The following TRIM33 variants were observed in gnomAD, a reference collection of about 807,000 sequenced individuals.
TRIM33 encodes E3 ubiquitin-protein ligase TRIM33.
Under a neutral mutation model 125.4 loss-of-function variants are expected in TRIM33, and 20 were observed. The observed-to-expected ratio is 0.16, with a 90% CI of 0.11 to 0.23. TRIM33 has a LOEUF of 0.23. Ranked by LOEUF, TRIM33 falls within the 10% of genes least tolerant of loss-of-function variation. The pLI is 1.00. For missense variants in TRIM33, 920 were observed against 1,411.4 expected (o/e 0.65, Z 5.58); for synonymous variants, 564 against 513.9 (o/e 1.10, Z -1.32).
At chr1:114,412,923 G>A (rs1178699322) in intron 11 of TRIM33, among the ~76,000 whole-genome samples, 1 of 152,150 alleles carries the variant, frequency 6.6e-6, no homozygotes, top group African/African-American at 2.4e-5. Context: ...TAAAGAAACC[G>A]CTGAACTTTT....
At chr1:114,410,390 A>C in intron 11 of TRIM33, 74 bp from the exon 12 acceptor site, 1 of 1,428,738 alleles carries the variant, frequency 7.0e-7, no homozygotes, top group Non-Finnish European at 9.5e-7. Flanking sequence ...GTCACTGCTT[A>C]TACTCAGTTT....
At position 114,407,098 on chromosome 1, in the gene TRIM33, C is replaced by T; in HGVS notation, c.2261G>A (p.Cys754Tyr). The change falls in exon 14 of 20, where the codon TGT becomes TAT. Residue 754 changes from cysteine to tyrosine, a missense_variant and splice_region_variant. Around this residue, in one of 8 missense-constraint regions of TRIM33, gnomAD observed 407 missense variants for 589.7 expected, o/e 0.69. Transcript: ENST00000358465. Reference protein sequence around the residue: ...STSSTGSRGSCGSSGRTAEKT... With the variant: ...STSSTGSRGSYGSSGRTAEKT... ...CTCAGCAGTTCTTCCTGATGACCCA[C>T]AGCTAATAAGAAACAACAAATAAAG... 1 of 1,610,994 alleles carries T rather than the reference C, an allele frequency of 6.2e-7. No homozygotes were observed. Among genetic ancestry groups the T allele is most frequent in the Non-Finnish European group, 8.5e-7 (1 of 1,178,930 alleles).
chr1:114,406,838 A>G, intron 14 of TRIM33, 103 bp downstream of exon 14: 1 of 1,176,468 alleles, frequency 8.5e-7, no homozygotes, highest in Non-Finnish European at 1.2e-6. Context: ...AATTTCAAAA[A>G]TAAATGTTTC....
chr1:114,461,257 T>C (rs1649972710), intron 4 of TRIM33, among the ~76,000 whole-genome samples: 2 of 146,500 alleles, frequency 1.4e-5, no homozygotes, highest in South Asian at 4.2e-4. Context: ...TATTTTATAT[T>C]TTATATATAT....
At chr1:114,500,361 T>C (rs898858916) in intron 1 of TRIM33, among the ~76,000 whole-genome samples, 1 of 152,146 alleles carries the variant, frequency 6.6e-6, no homozygotes, top group Admixed American at 6.5e-5. Flanking sequence ...GGCGTCTCTC[T>C]GTGTTGCCCA....
At chr1:114,455,816 A>C (rs1649580515) in intron 4 of TRIM33, among the ~76,000 whole-genome samples, 1 of 152,214 alleles carries the variant, frequency 6.6e-6, no homozygotes, top group South Asian at 2.1e-4. Context: ...AGATGACAAT[A>C]AGCAACCTGA....
chr1:114,468,343 CCTA>C (rs1650431462), intron 1 of TRIM33: 1 of 283,724 alleles, frequency 3.5e-6, no homozygotes, highest in African/African-American at 2.3e-5. Context: ...GATTTTTGAT[CCTA>C]CTATGACCAA....
chr1:114,487,080 C>T (rs961616806), intron 1 of TRIM33, among the ~76,000 whole-genome samples: 1 of 140,136 alleles, frequency 7.1e-6, no homozygotes, highest in Non-Finnish European at 1.5e-5. Context: ...GAGCAAGACT[C>T]TGTCTCAAAA....
rs114180130 is a variant in TRIM33 at position 114,394,436 on chromosome 1, A to G, written c.*3212T>C. 830 of 218,600 alleles carry G rather than the reference A, an allele frequency of 3.8e-3. 2 individuals carry two copies. The highest frequency in any genetic ancestry group is 6.2e-3 in the Non-Finnish European group (673 of 108,524). The allele number at this position is 218,600 out of a possible 1,614,324, so 13.5% of individuals were successfully genotyped here. On this transcript the variant is annotated 3_prime_UTR_variant, in exon 20 of 20. Coordinates refer to ENST00000358465, the MANE Select transcript of TRIM33 (RefSeq NM_015906.4). ...ATTAACACTAATCACTAATAATTAC[A>G]TGGCAGGATACCTGCTGAGGTAATT...
intron 4 of TRIM33, among the ~76,000 whole-genome samples, chr1:114,451,106 G>A (rs1230629877): frequency 6.6e-6 from 1 of 152,142 alleles, no homozygotes; most frequent in African/African-American, 2.4e-5. Context: ...TTAATGGACA[G>A]ATTTATACTT....
At chr1:114,422,642 C>T (rs553943303) in intron 10 of TRIM33, among the ~76,000 whole-genome samples, 12 of 149,214 alleles carry the variant, frequency 8.0e-5, no homozygotes, top group Admixed American at 2.0e-4. Flanking sequence ...CACACTGCAC[C>T]AGGAAGGAAA....
At chr1:114,426,937 C>T (rs974175369) in intron 8 of TRIM33, among the ~76,000 whole-genome samples, 17 of 152,074 alleles carry the variant, frequency 1.1e-4, no homozygotes, top group African/African-American at 4.1e-4. Flanking sequence ...GGTCGGGGGA[C>T]TAGAAACAGC....
chr1:114,426,946 G>A lies in TRIM33; in HGVS notation c.1420+231C>T, dbSNP rs918793394. Among the ~76,000 whole-genome samples, 5 of 152,158 alleles carry A rather than the reference G, an allele frequency of 3.3e-5. No individual in the cohort carries two copies. The East Asian group carries it at 9.7e-4, about 29-fold the overall frequency. On this transcript the variant is annotated intron_variant, in intron 8 of 19. Coordinates refer to ENST00000358465, the MANE Select transcript of TRIM33 (RefSeq NM_015906.4). ...ATGGAGGGTCGGGGGACTAGAAACA[G>A]CACACATTAAAAAACAATATACAGA...
At chr1:114,477,460 C>T (rs1191793537) in intron 1 of TRIM33, among the ~76,000 whole-genome samples, 2 of 152,120 alleles carry the variant, frequency 1.3e-5, no homozygotes, top group Non-Finnish European at 2.9e-5. Context: ...CCAGACTACA[C>T]AGATTTAAAT....
Position 114,397,028 on chromosome 1 carries a change from CTAAGTA to C in TRIM33, c.*614_*619del, listed in dbSNP as rs988575750. 5.9e-5 allele frequency: 13 copies of C among 219,372 alleles called. No individual in the cohort carries two copies. Among genetic ancestry groups the C allele is most frequent in the Admixed American group, 2.3e-4 (4 of 17,414 alleles). 13.6% of individuals were successfully genotyped at this position (219,372 alleles called of 1,614,324 possible). A position where few individuals can be genotyped will look rare whatever the true frequency, so the allele number is the denominator to read the frequency against. ...AACTAGTGGTAGTGTTTCCTAAACC[CTAAGTA>C]TGAGTAGAAAATAAAACCATTGCTG... On this transcript the variant is annotated 3_prime_UTR_variant, in exon 20 of 20. Transcript: ENST00000358465.
intron 1 of TRIM33, among the ~76,000 whole-genome samples, chr1:114,465,194 G>C (rs1650217181): frequency 1.3e-5 from 2 of 152,138 alleles, no homozygotes; most frequent in African/African-American, 4.8e-5. Flanking sequence ...CCCTTCACCT[G>C]CTAGTGTTCC....
intron 1 of TRIM33, among the ~76,000 whole-genome samples, chr1:114,509,942 C>A (rs1653236230): frequency 6.6e-6 from 1 of 152,192 alleles, no homozygotes; most frequent in African/African-American, 2.4e-5. Context: ...TCTCCTTCAT[C>A]CCCAAACCTT....
At chr1:114,492,380 A>G (rs763328832) in intron 1 of TRIM33, among the ~76,000 whole-genome samples, 1 of 152,222 alleles carries the variant, frequency 6.6e-6, no homozygotes, top group Non-Finnish European at 1.5e-5. Flanking sequence ...CATTTGAACT[A>G]TTATGTATGT....
At chr1:114,475,847 T>C (rs796899604) in intron 1 of TRIM33, among the ~76,000 whole-genome samples, 3 of 151,616 alleles carry the variant, frequency 2.0e-5, no homozygotes, top group East Asian at 3.9e-4. Context: ...TAGAAAAACT[T>C]TAAAAACTAG....
Sources: allele counts gnomAD v4.1 joint callset (sites outside exome capture counted in the v4.1 genomes callset), GRCh38; gene constraint gnomAD v4.1.1; regional missense constraint gnomAD v4.1.1; transcripts MANE v1.5; gene names NCBI Gene and HGNC (gene_info 2026-07-23, HGNC 2026-07-21).